COL1A2: variants seen among roughly 807,000 people sequenced by gnomAD.
COL1A2 encodes the protein collagen alpha-2(I) chain.
In COL1A2, 49 loss-of-function variants were observed where a neutral mutation model predicts 174.3. That is an observed-to-expected ratio of 0.28 (90% CI 0.22 to 0.36). COL1A2 has a LOEUF of 0.36. COL1A2 is among the 10% of genes least tolerant of loss of function. COL1A2 has a pLI of 1.00. For missense variants in COL1A2, 1,438 were observed against 1,822.7 expected (o/e 0.79, Z 3.84); for synonymous variants, 655 against 606.6 (o/e 1.08, Z -1.17).
chr7:94,408,414 TG>T (rs770147381), intron 15 of COL1A2, 34 bp downstream of exon 15: 2 of 1,610,666 alleles, frequency 1.2e-6, no homozygotes, highest in Non-Finnish European at 1.7e-6. Context: ...TGAAAGGAGT[TG>T]AGAATGTGGG....
chr7:94,428,280 AT>A lies in COL1A2; in HGVS notation c.3527-9del. 1 of 1,603,274 alleles carries A rather than the reference AT, an allele frequency of 6.2e-7. No individual in the cohort carries two copies. The highest frequency in any genetic ancestry group is 1.7e-5 in the Admixed American group (1 of 60,000). On this transcript the variant is annotated splice_polypyrimidine_tract_variant and intron_variant, in intron 49 of 51. Coordinates refer to ENST00000297268, the MANE Select transcript of COL1A2 (RefSeq NM_000089.4). ...TGAGAAGTTTCATGATCTGAATGTT[AT>A]TTTCTTAAAAGGTTACTACTGGATT... is the stretch of plus-strand genomic sequence containing the variant.
chr7:94,424,750 T>C (rs1792239464), intron 41 of COL1A2: 1 of 466,260 alleles, frequency 2.1e-6, no homozygotes, highest in South Asian at 2.2e-5. Flanking sequence ...ATTTATCCTG[T>C]AGGAAGAATG....
At chr7:94,411,567 G>A (rs550828734) in intron 23 of COL1A2, among the ~76,000 whole-genome samples, 2 of 152,214 alleles carry the variant, frequency 1.3e-5, no homozygotes, top group Admixed American at 6.5e-5. Flanking sequence ...AATGTATTCA[G>A]CATCACACTA....
chr7:94,420,188 T>A (rs1392254238), intron 34 of COL1A2, 45 bp from the exon 35 acceptor site: 1 of 1,611,888 alleles, frequency 6.2e-7, no homozygotes, highest in East Asian at 2.2e-5. Context: ...TCTTTGAGCA[T>A]CTATGTCAGG....
chr7:94,405,027 T>C (rs1040269842), intron 9 of COL1A2, 135 bp downstream of exon 9: 5 of 1,157,818 alleles, frequency 4.3e-6, no homozygotes. Flanking sequence ...TGGGAAATAT[T>C]ATTTTAATGA....
chr7:94,429,056 C>A, intron 50 of COL1A2, 132 bp from the exon 51 acceptor site: 1 of 744,250 alleles, frequency 1.3e-6, no homozygotes, highest in African/African-American at 1.8e-5. Context: ...TTTAAAAGTA[C>A]CCTTTTCCTA....
In COL1A2 at chr7:94,395,099, A is replaced by G; in HGVS notation, c.68A>G (p.Gln23Arg). The G allele has an allele frequency of 1.9e-6, 3 of 1,613,866 alleles. No homozygotes were observed. The highest frequency in any genetic ancestry group is 2.5e-6 in the Non-Finnish European group (3 of 1,179,854). Residue 23 changes from glutamine to arginine, a missense_variant and splice_region_variant, in exon 1 of 52, where the codon CAA (glutamine) becomes CGA (arginine). By Grantham distance (43) the Gln-to-Arg change is conservative. Coordinates refer to ENST00000297268, the MANE Select transcript of COL1A2 (RefSeq NM_000089.4). ...GTAACCTTATGCCTAGCAACATGCCAATGTAAGTGCCTTCAGCTTGTTTGG... is the reference window on the plus strand; with the variant it reads ...GTAACCTTATGCCTAGCAACATGCCGATGTAAGTGCCTTCAGCTTGTTTGG... ...LAVTLCLATC[Q>R]SLQEETVRKG...
intron 21 of COL1A2, 82 bp from the exon 22 acceptor site, chr7:94,410,807 A>T: frequency 6.9e-7 from 1 of 1,455,198 alleles, no homozygotes; most frequent in Admixed American, 1.7e-5. Context: ...CTGTAAGGAG[A>T]TCATGCTATT....
Position 94,411,033 on chromosome 7 carries a change from GTTTTTT to G in COL1A2, c.1252-12_1252-7del. Reference sequence around the variant, plus strand: ...GCTTTAGCATCCTCCTCCTCTATCTGTTTTTTTTTTTTTTTTGAATAGGGCCCTCCT... The same window carrying G: ...GCTTTAGCATCCTCCTCCTCTATCTGTTTTTTTTTTGAATAGGGCCCTCCT... On this transcript the variant is annotated splice_polypyrimidine_tract_variant and intron_variant, in intron 22 of 51. Transcript: ENST00000297268. 6.9e-7 allele frequency: 1 copy of G among 1,445,970 alleles called. No homozygotes were observed. The highest frequency in any genetic ancestry group is 9.4e-7 in the Non-Finnish European group (1 of 1,063,906). The allele number at this position is 1,445,970 out of a possible 1,614,324, so 89.6% of individuals were successfully genotyped here. A position where few individuals can be genotyped will look rare whatever the true frequency, so the allele number is the denominator to read the frequency against.
chr7:94,423,942 C>A, intron 40 of COL1A2: 1 of 251,748 alleles, frequency 4.0e-6, no homozygotes, highest in Non-Finnish European at 7.8e-6. Context: ...ATTGCTGGAT[C>A]TTATGGTAGT....
intron 2 of COL1A2, 37 bp from the exon 3 acceptor site, chr7:94,398,345 T>C (rs1321169084): frequency 2.5e-6 from 2 of 786,720 alleles, no homozygotes; most frequent in Non-Finnish European, 3.8e-6. Context: ...ATATATACAA[T>C]TTTCTTCATA....
intron 39 of COL1A2, 49 bp from the exon 40 acceptor site, chr7:94,422,908 G>T: frequency 1.2e-6 from 2 of 1,608,232 alleles, no homozygotes; most frequent in Middle Eastern, 1.7e-4. Context: ...TCTCTTCCAG[G>T]CCCTTGGTGA....
chr7:94,416,467 A>T lies in COL1A2; in HGVS notation c.1827A>T (p.Arg609=). 1 of 1,584,804 alleles carries T rather than the reference A, an allele frequency of 6.3e-7. No homozygotes were observed. Residue 609 remains arginine (R), a synonymous_variant, in exon 31 of 52, where the codon CGA becomes CGT. Transcript: ENST00000297268. The stretch of plus-strand genomic sequence containing the variant: ...GTCCTACTGGTCCTATTGGAAGCCG[A>T]GGTCCTTCTGGACCCCCAGGGCCTG... ...AAGPTGPIGS[R]GPSGPPGPDG...
chr7:94,404,987 C>A (rs2115876575), intron 9 of COL1A2, 95 bp downstream of exon 9: 3 of 1,371,816 alleles, frequency 2.2e-6, no homozygotes, highest in Non-Finnish European at 3.1e-6. Context: ...CTGCCAAAAG[C>A]TGAATATGCC....
chr7:94,417,413 A>G, intron 31 of COL1A2: 1 of 383,158 alleles, frequency 2.6e-6, no homozygotes, highest in Non-Finnish European at 4.9e-6. Context: ...TTGTGGGTAA[A>G]CATTTTTTAC....
In COL1A2 at chr7:94,425,149, T is replaced by A. The variant is rs371828738; in HGVS notation, c.2706T>A (p.Pro902=). The A allele has an allele frequency of 3.1e-6, 5 of 1,614,016 alleles. No individual in the cohort carries two copies. The African/African-American group carries it at 6.7e-5, about 22-fold the overall frequency. Residue 902 remains proline (P), a synonymous_variant, in exon 42 of 52, where the codon CCT becomes CCA. Coordinates refer to ENST00000297268, the MANE Select transcript of COL1A2 (RefSeq NM_000089.4). ...CTGGTCCTCTTGGCATTGCCGGCCC[T>A]CCTGGGGCCCGTGGTCCTCCTGGTG... The part of the protein sequence containing the change: ...GEPGPLGIAG[P]PGARGPPGAV...
intron 30 of COL1A2, among the ~76,000 whole-genome samples, 184 bp from the exon 31 acceptor site, chr7:94,416,221 T>G (rs541434596): frequency 1.6e-4 from 24 of 152,334 alleles, no homozygotes; most frequent in African/African-American, 5.8e-4. Flanking sequence ...TAAGTGACAC[T>G]TTAGAGAATA....
chr7:94,409,254 C>T, intron 16 of COL1A2, 68 bp from the exon 17 acceptor site: 1 of 1,329,906 alleles, frequency 7.5e-7, no homozygotes, highest in Non-Finnish European at 1.1e-6. Flanking sequence ...TAAAACTTGG[C>T]ATCTTAAAAA....
chr7:94,427,530 T>C, intron 48 of COL1A2, 97 bp from the exon 49 acceptor site: 1 of 1,404,456 alleles, frequency 7.1e-7, no homozygotes. Flanking sequence ...GATGAGAACA[T>C]GCTTCCGTGT....
Sources: allele counts gnomAD v4.1 joint callset (sites outside exome capture counted in the v4.1 genomes callset), GRCh38; gene constraint gnomAD v4.1.1; transcripts MANE v1.5; gene names NCBI Gene and HGNC (gene_info 2026-07-23, HGNC 2026-07-21).